RBM47: variants seen among roughly 807,000 people sequenced by gnomAD.
RBM47 encodes the protein RNA-binding protein 47.
Under a neutral mutation model 47.1 loss-of-function variants are expected in RBM47, and 21 were observed. The ratio of observed to expected loss-of-function variants is 0.45; its 90% CI spans 0.32 to 0.64. The LOEUF is 0.64. RBM47 is among the 30% of genes least tolerant of loss of function. RBM47 has a pLI of 0.05. For missense variants in RBM47, 708 were observed against 870.9 expected, an observed-to-expected ratio of 0.81 and a Z score of 2.35; for synonymous variants, 375 against 361.7, an observed-to-expected ratio of 1.04 and a Z score of -0.42.
In RBM47 at chr4:40,582,141, C is replaced by T. The variant is rs553901673; in HGVS notation, c.-239-37635G>A. 1.3e-3 allele frequency among the ~76,000 whole-genome samples: 204 copies of T among 152,300 alleles called. 1 individual carries two copies. Among genetic ancestry groups the T allele is most frequent in the Non-Finnish European group, 2.6e-3 (178 of 68,036 alleles). Reference sequence around the variant, plus strand: ...ATCTCCCTCTTACTATCCCTGCAGCCTATGTCTTAGTTCAAGTTCTTCACT... The same window carrying T: ...ATCTCCCTCTTACTATCCCTGCAGCTTATGTCTTAGTTCAAGTTCTTCACT... On this transcript the variant is annotated intron_variant, in intron 1 of 6. Transcript: ENST00000295971.
intron 1 of RBM47, among the ~76,000 whole-genome samples, chr4:40,598,848 CAA>C (rs34007215): frequency 0.095 from 13,068 of 137,496 alleles, 1,820 homozygotes; most frequent in African/African-American, 0.32. Context: ...CTTGTAAAAC[CAA>C]AAAAAAAAAA....
chr4:40,459,635 A>C (rs978194208), intron 3 of RBM47, among the ~76,000 whole-genome samples: 7 of 152,256 alleles, frequency 4.6e-5, no homozygotes, highest in African/African-American at 1.7e-4. Flanking sequence ...AACTGGGTAC[A>C]AATAGTCATA....
intron 1 of RBM47, among the ~76,000 whole-genome samples, chr4:40,591,259 G>A (rs1734110444): frequency 6.6e-6 from 1 of 152,158 alleles, no homozygotes; most frequent in Admixed American, 6.5e-5. Flanking sequence ...TGTGTTGGAA[G>A]TAGGTAGAGG....
intron 2 of RBM47, among the ~76,000 whole-genome samples, chr4:40,532,224 A>C (rs1460134442): frequency 1.3e-5 from 2 of 149,284 alleles, no homozygotes. Context: ...GTTAGCCAGG[A>C]TGGTCTCGAT....
chr4:40,442,398 T>C (rs1008920129), intron 3 of RBM47, among the ~76,000 whole-genome samples: 10 of 152,218 alleles, frequency 6.6e-5, no homozygotes, highest in East Asian at 3.9e-4. Context: ...CGTGGAGAAA[T>C]TGAAACCCTC....
intron 1 of RBM47, among the ~76,000 whole-genome samples, chr4:40,561,227 C>CT (rs1176318537): frequency 0.11 from 12,148 of 113,598 alleles, 862 homozygotes; most frequent in East Asian, 0.14. Context: ...TTTCCATTGT[C>CT]TTTTTTTTTT....
intron 3 of RBM47, chr4:40,455,703 T>C (rs2154220354): frequency 6.6e-6 from 1 of 152,290 alleles, no homozygotes; most frequent in South Asian, 2.1e-4. Context: ...TGAGCCGTGA[T>C]TGCATCACTG....
chr4:40,529,515 CAAAAAAAA>C (rs56381747), intron 2 of RBM47, among the ~76,000 whole-genome samples: 2 of 18,332 alleles, frequency 1.1e-4, no homozygotes, highest in African/African-American at 1.8e-4. Context: ...GACTCTGTCA[CAAAAAAAA>C]AAAAAAAAAA....
At chr4:40,546,368 T>C (rs962518559) in intron 1 of RBM47, among the ~76,000 whole-genome samples, 1 of 152,164 alleles carries the variant, frequency 6.6e-6, no homozygotes, top group Non-Finnish European at 1.5e-5. Context: ...CAGGCTGGTC[T>C]TGAACTCCTG....
intron 1 of RBM47, among the ~76,000 whole-genome samples, chr4:40,578,695 A>G (rs191124640): frequency 1.1e-4 from 17 of 152,320 alleles, no homozygotes; most frequent in African/African-American, 2.6e-4. Flanking sequence ...ACCTAGGACA[A>G]GAGATATGAC....
chr4:40,541,835 T>A (rs935997415), intron 2 of RBM47, among the ~76,000 whole-genome samples: 1 of 152,212 alleles, frequency 6.6e-6, no homozygotes, highest in African/African-American at 2.4e-5. Context: ...TAGAGTCAAG[T>A]AGCTGGTTCA....
intron 2 of RBM47, among the ~76,000 whole-genome samples, chr4:40,527,762 T>TA (rs1726893146): frequency 3.0e-5 from 1 of 32,948 alleles, no homozygotes; most frequent in Non-Finnish European, 5.5e-5. Context: ...GTGTGTGTGT[T>TA]TGGGGGGTGG....
chr4:40,443,367 C>T lies in RBM47; in HGVS notation c.-31-4443G>A, dbSNP rs151297852. 4.5e-3 allele frequency among the ~76,000 whole-genome samples: 678 copies of T among 151,812 alleles called. 3 individuals are homozygous for T. Among genetic ancestry groups the T allele is most frequent in the Non-Finnish European group, 7.8e-3 (532 of 67,902 alleles). ...AAAAAAAAGAAAAGGTTCAGAGATG[C>T]AAAAAAGACAAAAATTAGAGTTGAT... On this transcript the variant is annotated intron_variant, in intron 3 of 6. Coordinates refer to ENST00000295971, the MANE Select transcript of RBM47 (RefSeq NM_001098634.2).
chr4:40,433,097 A>C (rs1383843680), intron 5 of RBM47, among the ~76,000 whole-genome samples: 1 of 151,926 alleles, frequency 6.6e-6, no homozygotes, highest in Non-Finnish European at 1.5e-5. Flanking sequence ...AGTAGCTGGG[A>C]CTACAGGTAC....
At chr4:40,588,920 G>A (rs890114121) in intron 1 of RBM47, among the ~76,000 whole-genome samples, 3 of 151,752 alleles carry the variant, frequency 2.0e-5, no homozygotes, top group Admixed American at 6.6e-5. Context: ...AAAAACTCTG[G>A]GATTTGATTA....
At chr4:40,501,330 A>G (rs927132690) in intron 2 of RBM47, among the ~76,000 whole-genome samples, 3 of 152,234 alleles carry the variant, frequency 2.0e-5, no homozygotes, top group Non-Finnish European at 4.4e-5. Flanking sequence ...GGAAAGCAGA[A>G]AGAGGATTGG....
chr4:40,553,158 T>A, intron 1 of RBM47, among the ~76,000 whole-genome samples: 1 of 150,228 alleles, frequency 6.7e-6, no homozygotes, highest in East Asian at 2.0e-4. Flanking sequence ...TTTTTTTTAA[T>A]ATGGAATACT....
chr4:40,619,529 C>G (rs771401696), intron 1 of RBM47, among the ~76,000 whole-genome samples: 44 of 152,136 alleles, frequency 2.9e-4, no homozygotes, highest in Non-Finnish European at 5.1e-4. Flanking sequence ...ATCCCCATAA[C>G]CCTACCTTGT....
chr4:40,624,025 T>C (rs1423560371), intron 1 of RBM47, among the ~76,000 whole-genome samples: 1 of 152,152 alleles, frequency 6.6e-6, no homozygotes, highest in Non-Finnish European at 1.5e-5. Context: ...CTAATTTTTG[T>C]ATTTTTTGTA....
Sources: gnomAD v4.1 joint callset for allele counts (sites outside exome capture counted in the v4.1 genomes callset) on GRCh38, gnomAD v4.1.1 for gene constraint, MANE v1.5 for transcripts, NCBI Gene and HGNC (gene_info 2026-07-23, HGNC 2026-07-21) for gene names.